FAM114A1: variants seen among roughly 807,000 people sequenced by gnomAD.
FAM114A1 encodes the protein family with sequence similarity 114 member A1, also known as protein NOXP20.
FAM114A1 carries 62 observed loss-of-function variants against 64.3 expected under a neutral mutation model. The ratio of observed to expected loss-of-function variants is 0.96; its 90% confidence interval spans 0.79 to 1.19. The LOEUF is 1.19. FAM114A1 is among the 50% of genes most tolerant of loss of function. The probability of loss-of-function intolerance (pLI) is 0.00; values close to 1 mark genes in which losing one functional copy is unlikely to be tolerated. For missense variants in FAM114A1, 645 were observed against 676.3 expected, an observed-to-expected ratio of 0.95 and a Z score of 0.51; for synonymous variants, 254 against 251.1, an observed-to-expected ratio of 1.01 and a Z score of -0.11.
intron 12 of FAM114A1, among the ~76,000 whole-genome samples, chr4:38,935,422 A>G (rs1216213088): frequency 6.6e-6 from 1 of 152,208 alleles, no homozygotes; most frequent in African/African-American, 2.4e-5. Context: ...ACACATGTGG[A>G]GCTCAAGCCT....
At chr4:38,905,678 A>G (rs763959361) in intron 5 of FAM114A1, 43 bp downstream of exon 5, 1 of 1,608,544 alleles carries the variant, frequency 6.2e-7, no homozygotes, top group Non-Finnish European at 8.5e-7. Flanking sequence ...ACTTTATTAC[A>G]CCATGTGCAT....
intron 2 of FAM114A1, among the ~76,000 whole-genome samples, chr4:38,874,932 T>G (rs1214778239): frequency 6.6e-6 from 1 of 152,162 alleles, no homozygotes. Context: ...GAATAGGGAG[T>G]CCGTTCCCCA....
intron 3 of FAM114A1, among the ~76,000 whole-genome samples, chr4:38,889,882 A>AGC (rs1225861700): frequency 6.6e-6 from 1 of 152,224 alleles, no homozygotes; most frequent in Non-Finnish European, 1.5e-5. Flanking sequence ...TTAGTAGCTC[A>AGC]GCGGAGCCAG....
chr4:38,905,330 CGG>C (rs1332572962), intron 4 of FAM114A1, among the ~76,000 whole-genome samples, 190 bp from the exon 5 acceptor site: 1 of 151,026 alleles, frequency 6.6e-6, no homozygotes, highest in Non-Finnish European at 1.5e-5. Flanking sequence ...ACTCGGGAGG[CGG>C]AGGTTGCAGT....
At chr4:38,932,686 C>G (rs891636839) in intron 12 of FAM114A1, among the ~76,000 whole-genome samples, 1 of 149,760 alleles carries the variant, frequency 6.7e-6, no homozygotes, top group African/African-American at 2.5e-5. Context: ...TTGCAGAGAC[C>G]AGGCCTGGCC....
At chr4:38,890,412 A>AC (rs1716234967) in intron 3 of FAM114A1, among the ~76,000 whole-genome samples, 1 of 150,750 alleles carries the variant, frequency 6.6e-6, no homozygotes, top group African/African-American at 2.4e-5. Flanking sequence ...AAAAAAAAAA[A>AC]CAAAAAAAAA....
intron 3 of FAM114A1, among the ~76,000 whole-genome samples, chr4:38,880,100 A>AGTAGAATAGAATAGAATAG (rs1196622410): frequency 5.1e-5 from 5 of 98,932 alleles, no homozygotes; most frequent in East Asian, 8.0e-4. Flanking sequence ...AAATAAAATA[A>AGTAGAATAGAATAGAATAG]AATAGAGTAG....
At chr4:38,919,774 T>C (rs1719414673) in intron 8 of FAM114A1, among the ~76,000 whole-genome samples, 2 of 152,180 alleles carry the variant, frequency 1.3e-5, no homozygotes, top group South Asian at 4.1e-4. Flanking sequence ...ATGATGCACA[T>C]CTTCTCTGCT....
At chr4:38,872,190 T>C (rs7661887) in intron 2 of FAM114A1, among the ~76,000 whole-genome samples, 20,654 of 152,196 alleles carry the variant, frequency 0.14, 2,563 homozygotes, top group African/African-American at 0.3. Flanking sequence ...TCATTACGGA[T>C]TTTTAAGTGC....
At chr4:38,933,340 A>G (rs926452912) in intron 12 of FAM114A1, among the ~76,000 whole-genome samples, 1 of 152,220 alleles carries the variant, frequency 6.6e-6, no homozygotes, top group African/African-American at 2.4e-5. Flanking sequence ...CATTTTCAAC[A>G]TATACATGAA....
intron 7 of FAM114A1, among the ~76,000 whole-genome samples, chr4:38,911,375 T>C (rs767267001): frequency 1.3e-5 from 2 of 152,218 alleles, no homozygotes; most frequent in African/African-American, 4.8e-5. Flanking sequence ...CACCAGTGAT[T>C]GACAGGGAAG....
intron 8 of FAM114A1, among the ~76,000 whole-genome samples, chr4:38,917,189 A>AAATAAATAAATAAAT (rs1478521164): frequency 1.8e-5 from 2 of 111,582 alleles, no homozygotes; most frequent in Non-Finnish European, 3.6e-5. Context: ...AATAAATAAA[A>AAATAAATAAATAAAT]AAGCTGGGCA....
intron 2 of FAM114A1, among the ~76,000 whole-genome samples, chr4:38,877,693 G>T (rs568105951): frequency 1.3e-5 from 2 of 152,148 alleles, no homozygotes; most frequent in African/African-American, 4.8e-5. Context: ...GGCCGGGCGC[G>T]GTGGCTCACG....
chr4:38,928,164 C>T (rs1425703794), intron 9 of FAM114A1, among the ~76,000 whole-genome samples: 1 of 152,224 alleles, frequency 6.6e-6, no homozygotes, highest in Non-Finnish European at 1.5e-5. Context: ...CAGACAAGGG[C>T]TGGATGCAGT....
chr4:38,899,335 C>T (rs1717279391), intron 4 of FAM114A1, among the ~76,000 whole-genome samples: 1 of 152,142 alleles, frequency 6.6e-6, no homozygotes, highest in African/African-American at 2.4e-5. Context: ...CATTAATCCA[C>T]AGCACCGGGC....
At chr4:38,887,346 T>C (rs1354209255) in intron 3 of FAM114A1, among the ~76,000 whole-genome samples, 1 of 152,272 alleles carries the variant, frequency 6.6e-6, no homozygotes, top group Non-Finnish European at 1.5e-5. Context: ...TTTTGGTTAA[T>C]GTTTGATTTG....
chr4:38,933,132 G>A (rs1241203468), intron 12 of FAM114A1, among the ~76,000 whole-genome samples: 4 of 152,118 alleles, frequency 2.6e-5, no homozygotes, highest in South Asian at 4.1e-4. Flanking sequence ...GATTACAGTC[G>A]TGAGCCACCA....
intron 4 of FAM114A1, among the ~76,000 whole-genome samples, chr4:38,901,522 T>TA (rs1242720012): frequency 6.6e-6 from 1 of 152,234 alleles, no homozygotes; most frequent in East Asian, 1.9e-4. Context: ...GAACTCCTGA[T>TA]CTCAGGTGAT....
intron 7 of FAM114A1, among the ~76,000 whole-genome samples, chr4:38,912,315 AT>A (rs1218173264): frequency 2.0e-5 from 3 of 152,098 alleles, no homozygotes; most frequent in Non-Finnish European, 2.9e-5. Flanking sequence ...TAGTGGGAAA[AT>A]AGAACCAGCC....
Sources: gnomAD v4.1 joint callset for allele counts (sites outside exome capture counted in the v4.1 genomes callset) on GRCh38, gnomAD v4.1.1 for gene constraint, MANE v1.5 for transcripts, NCBI Gene and HGNC (gene_info 2026-07-23, HGNC 2026-07-21) for gene names.